Variants in CNRIP1 observed in about 807,000 individuals in gnomAD.
The protein encoded by CNRIP1 is CB1 cannabinoid receptor-interacting protein 1.
In CNRIP1, 10 loss-of-function variants were observed where a neutral mutation model predicts 15.2. The observed-to-expected ratio is 0.66, with a 90% CI of 0.41 to 1.12. CNRIP1 has a LOEUF of 1.12. Ranked by LOEUF, CNRIP1 falls within the 50% of genes most tolerant of loss-of-function variation. The pLI is 0.00. For missense variants in CNRIP1, 211 were observed against 214.7 expected (o/e 0.98, Z 0.11); for synonymous variants, 91 against 83.2 (o/e 1.09, Z -0.51).
At chr2:68,315,770 G>A (rs1672246381) in intron 2 of CNRIP1, among the ~76,000 whole-genome samples, 1 of 151,990 alleles carries the variant, frequency 6.6e-6, no homozygotes, top group South Asian at 2.1e-4. Context: ...CAACCTCCTG[G>A]ATCCAAGTGA....
downstream of CNRIP1, among the ~76,000 whole-genome samples, chr2:68,290,157 T>TA (rs1425324715): frequency 6.6e-6 from 1 of 151,476 alleles, no homozygotes; most frequent in Non-Finnish European, 1.5e-5. Context: ...GCCTCCCAAG[T>TA]AGCTGGGATT....
chr2:68,311,982 G>A (rs1375794396), intron 2 of CNRIP1, among the ~76,000 whole-genome samples: 3 of 151,914 alleles, frequency 2.0e-5, no homozygotes, highest in East Asian at 1.9e-4. Context: ...ATCTATTAAC[G>A]AAATTGAATT....
At position 68,293,666 on chromosome 2, in the gene CNRIP1, T is replaced by TGGTA. The variant is rs569538539; in HGVS notation, c.*192_*195dup. On this transcript the variant is annotated 3_prime_UTR_variant, in exon 3 of 3. Coordinates refer to ENST00000263655, the MANE Select transcript of CNRIP1 (RefSeq NM_015463.3). Reference sequence around the variant, plus strand: ...ATACAGATGGGAATATTCTCGGGAGTGGTACATCACCATCTTGTATGTGAG... The same window carrying TGGTA: ...ATACAGATGGGAATATTCTCGGGAGTGGTAGGTACATCACCATCTTGTATGTGAG... 4.0e-5 allele frequency: 52 copies of TGGTA among 1,304,922 alleles called. 1 individual carries two copies. The South Asian group carries it at 1.0e-3, about 26-fold the overall frequency. The allele number at this position is 1,304,922 out of a possible 1,614,324, so 80.8% of individuals were successfully genotyped here.
At chr2:68,314,928 G>A (rs62143881) in intron 2 of CNRIP1, among the ~76,000 whole-genome samples, 6,244 of 152,068 alleles carry the variant, frequency 0.041, 179 homozygotes, top group Non-Finnish European at 0.061. Flanking sequence ...GAGTTCAGAT[G>A]AAAATACACA....
intron 2 of CNRIP1, chr2:68,316,779 G>A (rs564572821): frequency 3.7e-4 from 162 of 441,766 alleles, no homozygotes; most frequent in African/African-American, 3.0e-3. Flanking sequence ...AAGTAGCAAA[G>A]TGTCATTCAA....
intron 2 of CNRIP1, among the ~76,000 whole-genome samples, chr2:68,301,963 A>G (rs1250150436): frequency 6.6e-6 from 1 of 151,898 alleles, no homozygotes; most frequent in African/African-American, 2.4e-5. Flanking sequence ...TGAATTTAGC[A>G]AGGCTTCAGG....
chr2:68,307,602 A>G (rs1339789325), intron 2 of CNRIP1, among the ~76,000 whole-genome samples: 3 of 152,186 alleles, frequency 2.0e-5, no homozygotes, highest in Admixed American at 1.3e-4. Flanking sequence ...GTGGATTTAT[A>G]GGTGTGAGCC....
chr2:68,303,133 A>T (rs1671682396), intron 2 of CNRIP1, among the ~76,000 whole-genome samples: 1 of 152,292 alleles, frequency 6.6e-6, no homozygotes, highest in Admixed American at 6.5e-5. Context: ...GGCGTGAGTC[A>T]CCGCGCCCGG....
chr2:68,288,254 A>G (rs1396312411), downstream of CNRIP1, among the ~76,000 whole-genome samples: 1 of 152,148 alleles, frequency 6.6e-6, no homozygotes, highest in Non-Finnish European at 1.5e-5. Flanking sequence ...AGTAAACAAT[A>G]TTTCAATATT....
chr2:68,290,570 T>C (rs1309476155), downstream of CNRIP1, among the ~76,000 whole-genome samples: 1 of 152,222 alleles, frequency 6.6e-6, no homozygotes, highest in African/African-American at 2.4e-5. Context: ...AAAAAAAGAA[T>C]ATTTTCAGTA....
chr2:68,297,118 C>T (rs771518844), intron 2 of CNRIP1, among the ~76,000 whole-genome samples: 1 of 151,758 alleles, frequency 6.6e-6, no homozygotes, highest in Non-Finnish European at 1.5e-5. Context: ...GATTACTTTA[C>T]CAGAAAAAAA....
At position 68,304,665 on chromosome 2, in the gene CNRIP1, C is replaced by T. The variant is rs1004350546; in HGVS notation, c.331-10639G>A. On this transcript the variant is annotated intron_variant, in intron 2 of 2. Coordinates refer to ENST00000263655, the MANE Select transcript of CNRIP1 (RefSeq NM_015463.3). Reference sequence around the variant, plus strand: ...TGAGACAGAGTCTCGCTCTGTCACCCAGGCCGGAGCAGTGGTGCGATCTCA... The same window carrying T: ...TGAGACAGAGTCTCGCTCTGTCACCTAGGCCGGAGCAGTGGTGCGATCTCA... Among the ~76,000 whole-genome samples the T allele has an allele frequency of 4.6e-5, 7 of 150,550 alleles. No homozygotes were observed. The South Asian group carries it at 1.5e-3, about 31-fold the overall frequency.
At chr2:68,302,972 C>T (rs1473913137) in intron 2 of CNRIP1, among the ~76,000 whole-genome samples, 4 of 151,692 alleles carry the variant, frequency 2.6e-5, no homozygotes, top group Non-Finnish European at 4.4e-5. Flanking sequence ...CTCAGCCTCC[C>T]GAGTAGCTGG....
At chr2:68,318,204 G>GT in intron 1 of CNRIP1, among the ~76,000 whole-genome samples, 1 of 152,162 alleles carries the variant, frequency 6.6e-6, no homozygotes, top group East Asian at 1.9e-4. Flanking sequence ...TCCAGATTTG[G>GT]TTCTAGGTCC....
At chr2:68,297,244 A>G (rs1671402336) in intron 2 of CNRIP1, among the ~76,000 whole-genome samples, 1 of 152,180 alleles carries the variant, frequency 6.6e-6, no homozygotes, top group South Asian at 2.1e-4. Context: ...AAAAATTGGA[A>G]TGGTTCATTA....
downstream of CNRIP1, among the ~76,000 whole-genome samples, chr2:68,291,347 G>C (rs72904221): frequency 3.3e-5 from 5 of 151,620 alleles, no homozygotes; most frequent in Non-Finnish European, 5.9e-5. Flanking sequence ...CTCTTAAAAG[G>C]CTTCAGAATT....
chr2:68,306,815 G>C (rs1243731826), intron 2 of CNRIP1, among the ~76,000 whole-genome samples: 2 of 151,812 alleles, frequency 1.3e-5, no homozygotes, highest in Non-Finnish European at 2.9e-5. Context: ...TACCCTTAAG[G>C]GTATTGCATT....
chr2:68,304,626 C>CTTTTT (rs11292248), intron 2 of CNRIP1, among the ~76,000 whole-genome samples: 134 of 137,004 alleles, frequency 9.8e-4, no homozygotes, highest in African/African-American at 3.4e-3. Flanking sequence ...ATCTGGTTGT[C>CTTTTT]TTTTTTTTTT....
rs1392593278 is a variant in CNRIP1, at chr2:68,305,255, A to AT, written c.331-11230_331-11229insA. Among the ~76,000 whole-genome samples, 146 of 52,886 alleles carry AT rather than the reference A, an allele frequency of 2.8e-3. 3 individuals are homozygous for AT. Among genetic ancestry groups the AT allele is most frequent in the African/African-American group, 7.4e-3 (121 of 16,338 alleles). 34.7% of individuals were successfully genotyped at this position (52,886 alleles called of 152,430 possible). On this transcript the variant is annotated intron_variant, in intron 2 of 2. Coordinates refer to ENST00000263655, the MANE Select transcript of CNRIP1 (RefSeq NM_015463.3). ...GTGAAACTCCGTCTCAAAAAAAAAAAAAAAATATATATATATATATGTGTG... is the reference window on the plus strand; with the variant it reads ...GTGAAACTCCGTCTCAAAAAAAAAAATAAAAATATATATATATATATGTGTG...
Sources: allele counts gnomAD v4.1 joint callset (sites outside exome capture counted in the v4.1 genomes callset), GRCh38; gene constraint gnomAD v4.1.1; transcripts MANE v1.5; gene names NCBI Gene and HGNC (gene_info 2026-07-23, HGNC 2026-07-21).